Variants in PTPRT observed in about 807,000 individuals in gnomAD.
PTPRT encodes the protein receptor-type tyrosine-protein phosphatase T.
A neutral mutation model predicts 176.8 loss-of-function variants in PTPRT; 56 were observed. That is an observed-to-expected ratio of 0.32 (90% confidence interval 0.26 to 0.40). The LOEUF is 0.40. Ranked by LOEUF, PTPRT falls within the 10% of genes least tolerant of loss-of-function variation. PTPRT has a pLI of 1.00. For synonymous variants in PTPRT, 783 were observed against 739.0 expected (o/e 1.06, Z -0.96); for missense variants, 1,540 against 1,908.2 (o/e 0.81, Z 3.60).
Position 42,886,049 on chromosome 20 carries a change from CCATATATA to C in PTPRT, c.89-125_89-118del, listed in dbSNP as rs1310270754. On this transcript the variant is annotated intron_variant, in intron 1 of 30. Transcript: ENST00000373187. ...AATTTTAAACTCTGGAGAAGATTTT[CCATATATA>C]TATATATATATATAAAAGATGAGCA... 1,242 of 431,362 alleles carry C rather than the reference CCATATATA, an allele frequency of 2.9e-3. 28 individuals are homozygous for C. The highest frequency in any genetic ancestry group is 0.025 in the African/African-American group (1,127 of 44,396). 26.7% of individuals were successfully genotyped at this position (431,362 alleles called of 1,614,324 possible). A position where few individuals can be genotyped will look rare whatever the true frequency, so the allele number is the denominator to read the frequency against.
At position 42,551,676 on chromosome 20, in the gene PTPRT, T is replaced by C. The variant is rs74757181; in HGVS notation, c.1154-79114A>G. Among the ~76,000 whole-genome samples, 353 of 152,330 alleles carry C rather than the reference T, an allele frequency of 2.3e-3. 2 individuals are homozygous for C. The highest frequency in any genetic ancestry group is 7.9e-3 in the African/African-American group (330 of 41,572). On this transcript the variant is annotated intron_variant, in intron 7 of 30. Coordinates refer to ENST00000373187, the MANE Select transcript of PTPRT (RefSeq NM_007050.6). ...ATTGGCAATTTCTAGCTTGTTGACT[T>C]ACGGTCTGCCCCTTGAACTCTCTGA...
At chr20:42,517,033 A>C (rs1354765537) in intron 7 of PTPRT, among the ~76,000 whole-genome samples, 1 of 152,090 alleles carries the variant, frequency 6.6e-6, no homozygotes, top group Non-Finnish European at 1.5e-5. Context: ...CTTTTGGCAC[A>C]AAGTTTATGT....
At chr20:43,093,779 G>A (rs1375714147) in intron 1 of PTPRT, among the ~76,000 whole-genome samples, 1 of 152,048 alleles carries the variant, frequency 6.6e-6, no homozygotes, top group Non-Finnish European at 1.5e-5. Flanking sequence ...CTCTTCCCTT[G>A]ACCCAGTATG....
At chr20:42,952,074 G>T (rs751124267) in intron 1 of PTPRT, among the ~76,000 whole-genome samples, 4 of 152,176 alleles carry the variant, frequency 2.6e-5, no homozygotes, top group Non-Finnish European at 4.4e-5. Context: ...TCAGAAGGTC[G>T]AGAGAGACTC....
At chr20:42,706,957 G>A (rs2076069342) in intron 6 of PTPRT, among the ~76,000 whole-genome samples, 1 of 152,114 alleles carries the variant, frequency 6.6e-6, no homozygotes. Flanking sequence ...GCACAGACAG[G>A]GAAACAGGGA....
rs370432178 is a variant in PTPRT at position 42,233,410 on chromosome 20, G to A, written c.2342+2819C>T. 9.0e-4 allele frequency among the ~76,000 whole-genome samples: 137 copies of A among 152,212 alleles called. 3 individuals carry two copies. In the South Asian group the frequency reaches 0.027, roughly 30 times the overall value. Reference sequence around the variant, plus strand: ...CCATCTACTTCTGGGTAGCTTTGGGGGAATGACTTAGCTTCTCAGAGCAAT... The same window carrying A: ...CCATCTACTTCTGGGTAGCTTTGGGAGAATGACTTAGCTTCTCAGAGCAAT... On this transcript the variant is annotated intron_variant, in intron 15 of 30. Coordinates refer to ENST00000373187, the MANE Select transcript of PTPRT (RefSeq NM_007050.6).
At chr20:42,204,530 T>C (rs2146700532) in intron 15 of PTPRT, among the ~76,000 whole-genome samples, 1 of 152,336 alleles carries the variant, frequency 6.6e-6, no homozygotes, top group East Asian at 1.9e-4. Context: ...TGCAGGAACA[T>C]TTCCAAAGCT....
intron 4 of PTPRT, among the ~76,000 whole-genome samples, chr20:42,773,406 A>G (rs980164863): frequency 6.6e-6 from 1 of 152,130 alleles, no homozygotes; most frequent in African/African-American, 2.4e-5. Context: ...TTTACACGTC[A>G]TATCTCACTG....
At chr20:43,127,957 G>T (rs1471349961) in intron 1 of PTPRT, among the ~76,000 whole-genome samples, 1 of 152,130 alleles carries the variant, frequency 6.6e-6, no homozygotes, top group East Asian at 1.9e-4. Flanking sequence ...TGCAAATCTG[G>T]ATACTTGGAG....
At chr20:42,386,976 T>TGG (rs1219790464) in intron 9 of PTPRT, among the ~76,000 whole-genome samples, 6 of 152,242 alleles carry the variant, frequency 3.9e-5, no homozygotes, top group Non-Finnish European at 8.8e-5. Context: ...GACCCATAAT[T>TGG]GTCTGCATTC....
intron 13 of PTPRT, among the ~76,000 whole-genome samples, chr20:42,270,982 C>T (rs1487397203): frequency 6.6e-6 from 1 of 152,190 alleles, no homozygotes; most frequent in Admixed American, 6.5e-5. Flanking sequence ...TTCAAGCCAA[C>T]CTTGTGTTTC....
At position 42,421,534 on chromosome 20, in the gene PTPRT, G is replaced by A. The variant is rs775160649; in HGVS notation, c.1560+26686C>T. On this transcript the variant is annotated intron_variant, in intron 9 of 30. Coordinates refer to ENST00000373187, the MANE Select transcript of PTPRT (RefSeq NM_007050.6). Reference sequence around the variant, plus strand: ...ACATGTGGAGGTAGCACATGAGGGTGATGGGCTGACAGGGTGTGTGTGTGT... The same window carrying A: ...ACATGTGGAGGTAGCACATGAGGGTAATGGGCTGACAGGGTGTGTGTGTGT... Among the ~76,000 whole-genome samples the A allele has an allele frequency of 1.4e-4, 22 of 152,216 alleles. No homozygotes were observed. The South Asian group carries it at 1.7e-3, about 11-fold the overall frequency.
chr20:42,732,563 G>A (rs945378156), intron 6 of PTPRT, among the ~76,000 whole-genome samples: 8 of 152,186 alleles, frequency 5.3e-5, no homozygotes, highest in Non-Finnish European at 1.2e-4. Context: ...GGATGACTGC[G>A]AGAAGAAGGT....
chr20:42,234,901 A>G (rs760741141), intron 15 of PTPRT, among the ~76,000 whole-genome samples: 16 of 152,332 alleles, frequency 1.1e-4, no homozygotes, highest in East Asian at 5.8e-4. Flanking sequence ...TGCTGGCTCC[A>G]TCTTTATCTA....
chr20:42,340,290 G>A (rs1225604811), intron 11 of PTPRT, among the ~76,000 whole-genome samples: 3 of 152,136 alleles, frequency 2.0e-5, no homozygotes, highest in Admixed American at 6.5e-5. Context: ...TTGTTACTGG[G>A]GGTGCTACAT....
chr20:42,431,319 T>A (rs73121666), intron 9 of PTPRT, among the ~76,000 whole-genome samples: 1 of 152,168 alleles, frequency 6.6e-6, no homozygotes, highest in African/African-American at 2.4e-5. Context: ...TCCACCATGA[T>A]GCAATGCCAC....
intron 7 of PTPRT, among the ~76,000 whole-genome samples, chr20:42,675,840 C>A (rs934587106): frequency 2.6e-5 from 4 of 152,178 alleles, no homozygotes; most frequent in Non-Finnish European, 4.4e-5. Flanking sequence ...GTTGAGGAAC[C>A]AGGAAGTGGA....
intron 30 of PTPRT, 92 bp from the exon 31 acceptor site, chr20:42,081,024 C>G (rs1469724987): frequency 9.0e-7 from 1 of 1,106,984 alleles, no homozygotes; most frequent in Admixed American, 2.1e-5. Context: ...TTTAGAGATA[C>G]AGATTTTGGA....
In PTPRT at chr20:42,077,039, ATTTCTCC is replaced by A. The variant is rs2146064426; in HGVS notation, c.*3833_*3839del. 5.4e-6 allele frequency: 1 copy of A among 186,186 alleles called. No individual in the cohort carries two copies. Among genetic ancestry groups the A allele is most frequent in the South Asian group, 2.0e-4 (1 of 5,106 alleles). 11.5% of individuals were successfully genotyped at this position (186,186 alleles called of 1,614,324 possible). On this transcript the variant is annotated 3_prime_UTR_variant, in exon 31 of 31. Coordinates refer to ENST00000373187, the MANE Select transcript of PTPRT (RefSeq NM_007050.6). ...CTAGCTGTGGAACTGTGGGCAAGTG[ATTTCTCC>A]CCTAGGAGCCTTAGTTTCCTCATCA...
Sources: allele counts gnomAD v4.1 joint callset (sites outside exome capture counted in the v4.1 genomes callset), GRCh38; gene constraint gnomAD v4.1.1; transcripts MANE v1.5; gene names NCBI Gene and HGNC (gene_info 2026-07-23, HGNC 2026-07-21).